Variants in PPARGC1B observed in about 807,000 individuals in gnomAD.
The protein encoded by PPARGC1B is peroxisome proliferator-activated receptor gamma coactivator 1-beta.
PPARGC1B carries 34 observed loss-of-function variants against 101.6 expected under a neutral mutation model. The ratio of observed to expected loss-of-function variants is 0.33; its 90% CI spans 0.25 to 0.45. PPARGC1B has a LOEUF of 0.45. PPARGC1B is among the 20% of genes least tolerant of loss of function. The pLI is 1.00. For synonymous variants in PPARGC1B, 548 were observed against 539.3 expected, an observed-to-expected ratio of 1.02 and a Z score of -0.22; for missense variants, 1,234 against 1,317.6, an observed-to-expected ratio of 0.94 and a Z score of 0.98.
At chr5:149,846,043 C>T in intron 11 of PPARGC1B, 129 bp downstream of exon 11, 1 of 1,089,444 alleles carries the variant, frequency 9.2e-7, no homozygotes, top group Non-Finnish European at 1.4e-6. Context: ...CAGTGTGCTG[C>T]TTGGTATAAC....
intron 1 of PPARGC1B, among the ~76,000 whole-genome samples, chr5:149,806,767 C>G (rs904691055): frequency 6.6e-6 from 1 of 151,944 alleles, no homozygotes; most frequent in Admixed American, 6.6e-5. Context: ...ACCACCATGC[C>G]CAGCTAATTT....
chr5:149,830,244 T>C (rs1332838337), intron 3 of PPARGC1B, among the ~76,000 whole-genome samples: 1 of 151,280 alleles, frequency 6.6e-6, no homozygotes, highest in Non-Finnish European at 1.5e-5. Context: ...GTGATGTGTC[T>C]TCTTTTTTTT....
rs1336956103 is a variant in PPARGC1B at position 149,851,805 on chromosome 5, G to A, written c.*4247G>A. The A allele has an allele frequency of 6.6e-6, 1 of 152,166 alleles. No individual in the cohort carries two copies. Among genetic ancestry groups the A allele is most frequent in the African/African-American group, 2.4e-5 (1 of 41,418 alleles). The allele number at this position is 152,166 out of a possible 1,614,324, so 9.4% of individuals were successfully genotyped here. A position where few individuals can be genotyped will look rare whatever the true frequency, so the allele number is the denominator to read the frequency against. On this transcript the variant is annotated 3_prime_UTR_variant, in exon 12 of 12. Transcript: ENST00000309241. ...AACCCACATGCATGGATGTGTCCTT[G>A]GCCCAGAACCACCATGGGATGGGGG...
chr5:149,841,275 G>T lies in PPARGC1B; in HGVS notation c.2695-981G>T, dbSNP rs1456462163. On this transcript the variant is annotated intron_variant, in intron 9 of 11. Transcript: ENST00000309241. ...AAAGGAGCAACCAAGCGAAGACTCA[G>T]GGGGACAAGTGTTTGGAGCAGTGGC... Among the ~76,000 whole-genome samples the T allele has an allele frequency of 3.9e-5, 6 of 152,148 alleles. No individual in the cohort carries two copies. The South Asian group carries it at 1.2e-3, about 32-fold the overall frequency.
intron 1 of PPARGC1B, among the ~76,000 whole-genome samples, chr5:149,807,432 A>T (rs1275148370): frequency 6.6e-6 from 1 of 152,126 alleles, no homozygotes; most frequent in East Asian, 1.9e-4. Context: ...GCCGTGTGAC[A>T]TGAGCAACAG....
Position 149,823,517 on chromosome 5 carries a change from A to G in PPARGC1B, c.252+2911A>G, listed in dbSNP as rs1384111800. ...GCTCGTTTTCCTCCTGCTTGAGATC[A>G]GCTCAGGAAGACTGGGGGTGGGGCT... On this transcript the variant is annotated intron_variant, in intron 2 of 11. Coordinates refer to ENST00000309241, the MANE Select transcript of PPARGC1B (RefSeq NM_133263.4). 2.0e-5 allele frequency among the ~76,000 whole-genome samples: 3 copies of G among 152,134 alleles called. No individual in the cohort carries two copies. The East Asian group carries it at 5.8e-4, about 29-fold the overall frequency.
chr5:149,752,802 C>T (rs536834517), intron 1 of PPARGC1B, among the ~76,000 whole-genome samples: 130 of 152,322 alleles, frequency 8.5e-4, no homozygotes, highest in African/African-American at 2.9e-3. Flanking sequence ...GCACTCCAGC[C>T]TGGGTGACAG....
intron 10 of PPARGC1B, among the ~76,000 whole-genome samples, chr5:149,843,111 T>C (rs1165171146): frequency 6.6e-6 from 1 of 152,100 alleles, no homozygotes; most frequent in African/African-American, 2.4e-5. Context: ...GAGGTTGCAG[T>C]GAGCCGAGAT....
At position 149,833,264 on chromosome 5, in the gene PPARGC1B, A is replaced by G. The variant is rs201402050; in HGVS notation, c.1191A>G (p.Ala397=). The G allele has an allele frequency of 1.7e-5, 28 of 1,613,344 alleles. No individual in the cohort carries two copies. In the East Asian group the frequency reaches 4.5e-4, roughly 26 times the overall value. The change falls in exon 5 of 12, where the codon GCA becomes GCG. Residue 397 remains alanine (A), a synonymous_variant. Transcript: ENST00000309241. This position sits in a 1 kb window ranked among gnomAD's most constrained non-coding sequence, Gnocchi z 4.1. ...CCTCGGTGGAGGAGGTAAGGATCGC[A>G]GCTTCACCCAAGAGCACCGGGCCCA... ...RPSSVEEVRI[A]ASPKSTGPRP...
At chr5:149,801,527 G>A (rs917252333) in intron 1 of PPARGC1B, among the ~76,000 whole-genome samples, 3 of 152,206 alleles carry the variant, frequency 2.0e-5, no homozygotes, top group Non-Finnish European at 4.4e-5. Context: ...TGGCAGTAGG[G>A]AGTGGGTGCT....
Position 149,836,321 on chromosome 5 carries a change from A to C in PPARGC1B, c.1866A>C (p.Pro622=). 3 of 1,613,140 alleles carry C rather than the reference A, an allele frequency of 1.9e-6. No individual in the cohort carries two copies. The highest frequency in any genetic ancestry group is 2.5e-6 in the Non-Finnish European group (3 of 1,179,634). Residue 622 remains proline, a synonymous_variant, in exon 8 of 12, where the codon CCA becomes CCC. Coordinates refer to ENST00000309241, the MANE Select transcript of PPARGC1B (RefSeq NM_133263.4). ...YKPTEEDPFK[P]DIKHSLGKEI... ...CCACAGAGGAGGATCCCTTCAAACC[A>C]GACATCAAGCATAGTCTAGGCAAAG...
At chr5:149,757,127 C>A (rs1346905828) in intron 1 of PPARGC1B, among the ~76,000 whole-genome samples, 1 of 152,128 alleles carries the variant, frequency 6.6e-6, no homozygotes, top group Non-Finnish European at 1.5e-5. Flanking sequence ...GTGGGTTATG[C>A]TAGAAAGTGC....
Position 149,840,100 on chromosome 5 carries a change from G to A in PPARGC1B, c.2678G>A (p.Arg893Gln), listed in dbSNP as rs138772212. ...CCAAGCATCCGGCACGCCAGGAAGC[G>A]GCGGGAAAAGGCCATTGTAAGTGAT... is the stretch of plus-strand genomic sequence containing the variant. The part of the protein sequence containing the change: ...RTPSIRHARK[R>Q]REKAIGEGRV... Residue 893 changes from arginine (R) to glutamine (Q), a missense_variant, in exon 9 of 12, where the codon CGG (arginine) becomes CAG (glutamine). Around this residue, in one of 3 missense-constraint regions of PPARGC1B, gnomAD observed 497 missense variants for 529.5 expected, o/e 0.94. Coordinates refer to ENST00000309241, the MANE Select transcript of PPARGC1B (RefSeq NM_133263.4). 1.3e-4 allele frequency: 204 copies of A among 1,613,092 alleles called. 1 individual carries two copies. The East Asian group carries it at 2.0e-3, about 16-fold the overall frequency.
chr5:149,823,933 C>A (rs1330627635), intron 2 of PPARGC1B, among the ~76,000 whole-genome samples: 1 of 152,154 alleles, frequency 6.6e-6, no homozygotes, highest in African/African-American at 2.4e-5. Flanking sequence ...TTAGTCCTAC[C>A]CCTGACTCAC....
At chr5:149,826,599 G>A (rs1338288810) in intron 2 of PPARGC1B, 74 bp from the exon 3 acceptor site, 11 of 1,188,102 alleles carry the variant, frequency 9.3e-6, no homozygotes, top group Non-Finnish European at 1.1e-5. Flanking sequence ...TGTCCACCGT[G>A]GAGACTGAGT....
chr5:149,832,562 G>A lies in PPARGC1B; in HGVS notation c.583-94G>A. On this transcript the variant is annotated intron_variant, in intron 4 of 11. Transcript: ENST00000309241. The surrounding 1 kb of genome is among the most constrained non-coding windows in gnomAD (Gnocchi z 4.9). ...ACCTGGCTGTTCCTATGATCCAGGT[G>A]AGACACAATGGGCCAGCCAGTGACC... 1 of 1,038,718 alleles carries A rather than the reference G, an allele frequency of 9.6e-7. No homozygotes were observed. 64.3% of individuals were successfully genotyped at this position (1,038,718 alleles called of 1,614,324 possible).
intron 1 of PPARGC1B, among the ~76,000 whole-genome samples, chr5:149,790,197 TGGTGGTG>T (rs1756964798): frequency 6.6e-6 from 1 of 152,128 alleles, no homozygotes; most frequent in Non-Finnish European, 1.5e-5. Flanking sequence ...GAGGGAGTGG[TGGTGGTG>T]ATGATAGTGC....
chr5:149,849,752 G>T lies in PPARGC1B; in HGVS notation c.*2194G>T, dbSNP rs908446602. Reference sequence around the variant, plus strand: ...AACTCCCCTAATGCTATTCCATGGCGTAACACTCCCAATACTATTTTGACG... The same window carrying T: ...AACTCCCCTAATGCTATTCCATGGCTTAACACTCCCAATACTATTTTGACG... On this transcript the variant is annotated 3_prime_UTR_variant, in exon 12 of 12. Coordinates refer to ENST00000309241, the MANE Select transcript of PPARGC1B (RefSeq NM_133263.4). The T allele has an allele frequency of 2.0e-5, 3 of 152,140 alleles. No homozygotes were observed. Among genetic ancestry groups the T allele is most frequent in the African/African-American group, 7.2e-5 (3 of 41,418 alleles). 9.4% of individuals were successfully genotyped at this position (152,140 alleles called of 1,614,324 possible).
intron 1 of PPARGC1B, among the ~76,000 whole-genome samples, chr5:149,803,316 T>C (rs1408068811): frequency 6.6e-6 from 1 of 152,190 alleles, no homozygotes; most frequent in Non-Finnish European, 1.5e-5. Context: ...CTCTGTGACT[T>C]TAGGCAGCTC....
Sources: allele counts gnomAD v4.1 joint callset (sites outside exome capture counted in the v4.1 genomes callset), GRCh38; gene constraint gnomAD v4.1.1; regional missense constraint gnomAD v4.1.1; non-coding constraint Gnocchi (gnomAD v3.1); transcripts MANE v1.5; gene names NCBI Gene and HGNC (gene_info 2026-07-23, HGNC 2026-07-21).